The following VARS2 variants were observed in gnomAD, a reference collection of about 807,000 sequenced individuals.
VARS2 encodes the protein valyl-tRNA synthetase 2, mitochondrial.
In VARS2, 105 loss-of-function variants were observed where a neutral mutation model predicts 154.1. That is an observed-to-expected ratio of 0.68 (90% CI 0.58 to 0.80). The LOEUF (loss-of-function observed/expected upper bound fraction) is 0.80, where lower values mean the gene tolerates loss of function less well. Ranked by LOEUF, VARS2 falls within the 30% of genes least tolerant of loss-of-function variation. VARS2 has a pLI of 0.00. For missense variants in VARS2, 1,157 were observed against 1,361.4 expected, an observed-to-expected ratio of 0.85 and a Z score of 2.36; for synonymous variants, 483 against 539.5, an observed-to-expected ratio of 0.90 and a Z score of 1.45.
At position 30,916,937 on chromosome 6, in the gene VARS2, G is replaced by C. The variant is rs751875106; in HGVS notation, c.731G>C (p.Arg244Pro). 1 of 1,614,062 alleles carries C rather than the reference G, an allele frequency of 6.2e-7. No homozygotes were observed. Among genetic ancestry groups the C allele is most frequent in the African/African-American group, 1.3e-5 (1 of 74,910 alleles). Residue 244 changes from arginine (R) to proline (P), a missense_variant, in exon 8 of 30, where the codon CGA becomes CCA. Coordinates refer to ENST00000676266, the MANE Select transcript of VARS2 (RefSeq NM_020442.6). The surrounding 1 kb of genome is among the most constrained non-coding windows in gnomAD (Gnocchi z 4.0). ...CTGGGTGCCTCCCTGGACTGGGATC[G>C]AGAGTGTTTTACCATGGATGTTGTG... ...RALGASLDWDRECFTMDVGSS... is the reference protein window; with the variant it reads ...RALGASLDWDPECFTMDVGSS...
chr6:30,923,254 G>A (rs769423536), intron 24 of VARS2, 23 bp downstream of exon 24: 1 of 1,613,002 alleles, frequency 6.2e-7, no homozygotes, highest in Non-Finnish European at 8.5e-7. Context: ...AGAGGTGCTT[G>A]GGAGTAGGGT....
At chr6:30,922,303 C>T (rs1582194766) in intron 20 of VARS2, 62 bp downstream of exon 20, 5 of 1,592,204 alleles carry the variant, frequency 3.1e-6, no homozygotes, top group East Asian at 2.2e-5. Flanking sequence ...ACCTTGTCCT[C>T]CCTTCTAACC....
Position 30,916,795 on chromosome 6 carries a change from TGGCATTGCTGGG to T in VARS2, c.672-77_672-66del. 7.2e-7 allele frequency: 1 copy of T among 1,382,022 alleles called. No homozygotes were observed. The highest frequency in any genetic ancestry group is 1.8e-4 in the Middle Eastern group (1 of 5,636). 85.6% of individuals were successfully genotyped at this position (1,382,022 alleles called of 1,614,324 possible). On this transcript the variant is annotated intron_variant, in intron 7 of 29. Transcript: ENST00000676266. The surrounding 1 kb of genome is among the most constrained non-coding windows in gnomAD (Gnocchi z 4.0). ...CCTCACTTGATTTTCCTCCAACACC[TGGCATTGCTGGG>T]GGCATCGCTGGGCCTGGTACATAGG...
rs770282734 is a variant in VARS2 at position 30,920,669 on chromosome 6, C to T, written c.1399C>T (p.Arg467Cys). ...NHPMVLPICS[R>C]SGDVIEYLLK... is the part of the protein sequence containing the mutation. ...GGACTCACCCTGTCTCTCTTTCAGCCGTTCTGGGGATGTGATAGAATACCT... is the reference window on the plus strand; with the variant it reads ...GGACTCACCCTGTCTCTCTTTCAGCTGTTCTGGGGATGTGATAGAATACCT... Residue 467 changes from arginine to cysteine, a missense_variant and splice_region_variant, in exon 15 of 30, where the codon CGT (arginine) becomes TGT (cysteine). Physicochemically the swap from Arg to Cys is radical, Grantham distance 180 (BLOSUM62 -3). Coordinates refer to ENST00000676266, the MANE Select transcript of VARS2 (RefSeq NM_020442.6). The surrounding 1 kb of genome is among the most constrained non-coding windows in gnomAD (Gnocchi z 4.6). 1.5e-5 allele frequency: 24 copies of T among 1,579,722 alleles called. No homozygotes were observed. The highest frequency in any genetic ancestry group is 4.0e-5 in the African/African-American group (3 of 74,168).
intron 28 of VARS2, 21 bp downstream of exon 28, chr6:30,925,740 G>A: frequency 6.2e-7 from 1 of 1,610,978 alleles, no homozygotes; most frequent in Non-Finnish European, 8.5e-7. Flanking sequence ...GGGATGGGGA[G>A]GGTTAGGGCA....
At position 30,922,574 on chromosome 6, in the gene VARS2, T is replaced by C. The variant is rs759522330; in HGVS notation, c.2037+20T>C. 3.9e-6 allele frequency: 6 copies of C among 1,557,684 alleles called. No homozygotes were observed. The highest frequency in any genetic ancestry group is 5.2e-6 in the Non-Finnish European group (6 of 1,151,160). ...ATGCAGGTGAGGACGAAGCACCCACTAGAGGGACAAGGTTTGCAGGGTTTG... is the reference window on the plus strand; with the variant it reads ...ATGCAGGTGAGGACGAAGCACCCACCAGAGGGACAAGGTTTGCAGGGTTTG... On this transcript the variant is annotated intron_variant, in intron 21 of 29. Transcript: ENST00000676266.
At position 30,916,478 on chromosome 6, in the gene VARS2, A is replaced by T. The variant is rs41268036; in HGVS notation, c.671+229A>T. Reference sequence around the variant, plus strand: ...CGTGTGTGTGTGTGTGTGTGTGTGTATTTATATATATATATATATTTTCTT... The same window carrying T: ...CGTGTGTGTGTGTGTGTGTGTGTGTTTTTATATATATATATATATTTTCTT... On this transcript the variant is annotated intron_variant, in intron 7 of 29. Transcript: ENST00000676266. This position sits in a 1 kb window ranked among gnomAD's most constrained non-coding sequence, Gnocchi z 4.0. The T allele has an allele frequency of 0.3, 95,354 of 316,374 alleles. 13,047 individuals are homozygous for T. The highest frequency in any genetic ancestry group is 0.34 in the Non-Finnish European group (64,903 of 188,600). The allele number at this position is 316,374 out of a possible 1,614,324, so 19.6% of individuals were successfully genotyped here. A position where few individuals can be genotyped will look rare whatever the true frequency, so the allele number is the denominator to read the frequency against.
In VARS2 at chr6:30,921,395, G is replaced by T; in HGVS notation, c.1632+90G>T. ...CTCCGCAGGGCCAAGTCCCGCTCCT[G>T]CCTGGTCATGTGCTTCATGCTCATA... On this transcript the variant is annotated intron_variant, in intron 17 of 29. Coordinates refer to ENST00000676266, the MANE Select transcript of VARS2 (RefSeq NM_020442.6). The surrounding 1 kb of genome is among the most constrained non-coding windows in gnomAD (Gnocchi z 4.6). 1 of 1,524,490 alleles carries T rather than the reference G, an allele frequency of 6.6e-7. No individual in the cohort carries two copies. Among genetic ancestry groups the T allele is most frequent in the East Asian group, 2.3e-5 (1 of 43,952 alleles). 94.4% of individuals were successfully genotyped at this position (1,524,490 alleles called of 1,614,324 possible).
At chr6:30,923,691 T>C in intron 25 of VARS2, 186 bp downstream of exon 25, 1 of 786,290 alleles carries the variant, frequency 1.3e-6, no homozygotes, top group Non-Finnish European at 1.9e-6. Context: ...GCCCAGGCAC[T>C]GTTGCCTGCC....
rs1363321200 is a variant in VARS2, at chr6:30,914,272, C to G, written c.-100C>G. On this transcript the variant is annotated 5_prime_UTR_variant, in exon 1 of 30. Coordinates refer to ENST00000676266, the MANE Select transcript of VARS2 (RefSeq NM_020442.6). The stretch of plus-strand genomic sequence containing the variant: ...CGCCGCGCGGCTCCAGGGCCACGTT[C>G]CAGGGTCGGGTTTGGTGGATTCCTC... 1.1e-6 allele frequency: 1 copy of G among 898,462 alleles called. No homozygotes were observed. Among genetic ancestry groups the G allele is most frequent in the South Asian group, 5.1e-5 (1 of 19,648 alleles). 55.7% of individuals were successfully genotyped at this position (898,462 alleles called of 1,614,324 possible). A position where few individuals can be genotyped will look rare whatever the true frequency, so the allele number is the denominator to read the frequency against.
In VARS2 at chr6:30,923,161, A is replaced by C; in HGVS notation, c.2243A>C (p.Lys748Thr). 1 of 1,613,100 alleles carries C rather than the reference A, an allele frequency of 6.2e-7. No individual in the cohort carries two copies. Residue 748 changes from lysine (K) to threonine (T), a missense_variant, in exon 24 of 30, where the codon AAG (lysine) becomes ACG (threonine). Physicochemically the swap from Lys to Thr is moderately conservative, Grantham distance 78. Coordinates refer to ENST00000676266, the MANE Select transcript of VARS2 (RefSeq NM_020442.6). Reference sequence around the variant, plus strand: ...CAGAGCTGCCGACATTTCTGCAACAAGATCTGGAATGCTCTTCGCTTTATC... The same window carrying C: ...CAGAGCTGCCGACATTTCTGCAACACGATCTGGAATGCTCTTCGCTTTATC... Reference protein sequence around the residue: ...EVQSCRHFCNKIWNALRFILN... With the variant: ...EVQSCRHFCNTIWNALRFILN...
Position 30,920,004 on chromosome 6 carries a change from TG to T in VARS2, c.1166-81del. ...CACAGACAGAGAAAGTCGCAGGGGC[TG>T]GGGCGGTGCAGGTGATGATGATACA... On this transcript the variant is annotated intron_variant, in intron 12 of 29. Transcript: ENST00000676266. The surrounding 1 kb of genome is among the most constrained non-coding windows in gnomAD (Gnocchi z 4.6). 7.2e-7 allele frequency: 1 copy of T among 1,394,694 alleles called. No individual in the cohort carries two copies. 86.4% of individuals were successfully genotyped at this position (1,394,694 alleles called of 1,614,324 possible).
Position 30,925,884 on chromosome 6 carries a change from T to C in VARS2, c.2966T>C (p.Leu989Pro). 1 of 1,612,794 alleles carries C rather than the reference T, an allele frequency of 6.2e-7. No homozygotes were observed. The highest frequency in any genetic ancestry group is 8.5e-7 in the Non-Finnish European group (1 of 1,180,020). ...TTTCTCCCTGTTCTTCCCCAGGGCC[T>C]GGTGGACCCGCAGATCCAGCTACCT... ...TAQVYMELQG[L>P]VDPQIQLPLL... The change falls in exon 29 of 30, where the codon CTG (leucine) becomes CCG (proline). Residue 989 changes from leucine to proline, a missense_variant. Transcript: ENST00000676266.
At position 30,919,780 on chromosome 6, in the gene VARS2, G is replaced by A. The variant is rs771911030; in HGVS notation, c.1097G>A (p.Arg366His). Residue 366 changes from arginine to histidine, a missense_variant, in exon 12 of 30, where the codon CGT becomes CAT. Transcript: ENST00000676266. The surrounding 1 kb of genome is among the most constrained non-coding windows in gnomAD (Gnocchi z 4.5). ...RYTHLHGRQL[R>H]HPLMGQPLPL... The stretch of plus-strand genomic sequence containing the variant: ...CAGCATCTACACGGGCGACAGCTTC[G>A]TCACCCCTTGATGGGGCAGCCTCTT... 23 of 1,587,470 alleles carry A rather than the reference G, an allele frequency of 1.4e-5. No homozygotes were observed. The highest frequency in any genetic ancestry group is 6.9e-5 in the Admixed American group (4 of 57,630).
Position 30,916,936 on chromosome 6 carries a change from C to T in VARS2, c.730C>T (p.Arg244Ter), listed in dbSNP as rs764048308. 4 of 1,614,114 alleles carry T rather than the reference C, an allele frequency of 2.5e-6. No individual in the cohort carries two copies. Among genetic ancestry groups the T allele is most frequent in the Non-Finnish European group, 3.4e-6 (4 of 1,180,032 alleles). The part of the protein sequence containing the change: ...RALGASLDWD[R>*]ECFTMDVGSS... ...TCTGGGTGCCTCCCTGGACTGGGAT[C>T]GAGAGTGTTTTACCATGGATGTTGT... The change falls in exon 8 of 30, where the codon CGA becomes TGA. Residue 244 changes from arginine (R) to a stop codon, truncating the protein, a stop_gained. Coordinates refer to ENST00000676266, the MANE Select transcript of VARS2 (RefSeq NM_020442.6). LOFTEE classifies it high-confidence loss of function. This position sits in a 1 kb window ranked among gnomAD's most constrained non-coding sequence, Gnocchi z 4.0.
chr6:30,925,438 G>T (rs762976833), intron 27 of VARS2, 53 bp downstream of exon 27: 1 of 1,579,458 alleles, frequency 6.3e-7, no homozygotes, highest in Non-Finnish European at 8.6e-7. Context: ...GGGGGCTGGT[G>T]GGGAAAAGAG....
chr6:30,917,292 A>G lies in VARS2; in HGVS notation c.873+68A>G. ...CAGAGTGGTCAATGATTAAGAGCTC[A>G]GACTCTGGAGCCAGGGTGCCTGGAT... is the stretch of plus-strand genomic sequence containing the variant. On this transcript the variant is annotated intron_variant, in intron 9 of 29. Coordinates refer to ENST00000676266, the MANE Select transcript of VARS2 (RefSeq NM_020442.6). The surrounding 1 kb of genome is among the most constrained non-coding windows in gnomAD (Gnocchi z 4.4). 6.2e-6 allele frequency: 10 copies of G among 1,609,720 alleles called. 1 individual carries two copies. The highest frequency in any genetic ancestry group is 5.5e-5 in the South Asian group (5 of 90,982).
rs1370457169 is a variant in VARS2, at chr6:30,921,142, G to A, written c.1556+1G>A. On this transcript the variant is annotated splice_donor_variant, in intron 16 of 29. Transcript: ENST00000676266. LOFTEE classifies it high-confidence loss of function. The surrounding 1 kb of genome is among the most constrained non-coding windows in gnomAD (Gnocchi z 4.6). Reference sequence around the variant, plus strand: ...GGCAGCACTGGTTTTCCCATATTGGGTAAGGGTAGGGTAAGGGGAGCTCTT... The same window carrying A: ...GGCAGCACTGGTTTTCCCATATTGGATAAGGGTAGGGTAAGGGGAGCTCTT... The A allele has an allele frequency of 6.2e-7, 1 of 1,613,890 alleles. No homozygotes were observed. Among genetic ancestry groups the A allele is most frequent in the Non-Finnish European group, 8.5e-7 (1 of 1,179,946 alleles).
chr6:30,925,574 A>C lies in VARS2; in HGVS notation c.2816A>C (p.Gln939Pro). The change falls in exon 28 of 30, where the codon CAG becomes CCG. Residue 939 changes from glutamine to proline, a missense_variant. By Grantham distance (76) the Gln-to-Pro change is moderately conservative (BLOSUM62 -1). Transcript: ENST00000676266. ...VLLQSSEPGD[Q>P]GLFEAFLEPL... The stretch of plus-strand genomic sequence containing the variant: ...CTGCAGAGCTCAGAGCCTGGGGACC[A>C]GGGCCTCTTCGAGGCCTTCTTGGAG... 1 of 1,604,260 alleles carries C rather than the reference A, an allele frequency of 6.2e-7. No individual in the cohort carries two copies. The highest frequency in any genetic ancestry group is 8.5e-7 in the Non-Finnish European group (1 of 1,177,076).
Sources: gnomAD v4.1 joint callset for allele counts on GRCh38, gnomAD v4.1.1 for gene constraint, Gnocchi (gnomAD v3.1) non-coding constraint, MANE v1.5 for transcripts, NCBI Gene and HGNC (gene_info 2026-07-23, HGNC 2026-07-21) for gene names.